Variants in RAD51D observed in about 807,000 individuals in gnomAD.
RAD51D encodes DNA repair protein RAD51 homolog 4.
Under a neutral mutation model 44.1 loss-of-function variants are expected in RAD51D, and 38 were observed. The observed-to-expected ratio is 0.86, with a 90% CI of 0.67 to 1.13. The LOEUF is 1.13. Ranked by LOEUF, RAD51D falls within the 50% of genes most tolerant of loss-of-function variation. The pLI, the probability that RAD51D is intolerant of heterozygous loss-of-function variation, is 0.00. For missense variants in RAD51D, 390 were observed against 414.0 expected, an observed-to-expected ratio of 0.94 and a Z score of 0.50; for synonymous variants, 141 against 166.6, an observed-to-expected ratio of 0.85 and a Z score of 1.18.
At chr17:35,111,815 A>G (rs929959367) in intron 3 of RAD51D, among the ~76,000 whole-genome samples, 2 of 152,248 alleles carry the variant, frequency 1.3e-5, no homozygotes, top group African/African-American at 2.4e-5. Context: ...GTCTATAGAA[A>G]AAAAAAACTT....
In RAD51D at chr17:35,118,541, G is replaced by C. The variant is rs746929682; in HGVS notation, c.223C>G (p.Leu75Val). The C allele has an allele frequency of 6.2e-7, 1 of 1,614,172 alleles. No homozygotes were observed. The highest frequency in any genetic ancestry group is 1.3e-5 in the African/African-American group (1 of 75,042). Residue 75 changes from leucine to valine, a missense_variant, in exon 3 of 10, where the codon CTG (leucine) becomes GTG (valine). Coordinates refer to ENST00000345365, the MANE Select transcript of RAD51D (RefSeq NM_002878.4). ...GACAGGATGGCAGTGGAGGTCTTCA[G>C]TTCCTCGTAGAGATCAGCGCCATTC... is the stretch of plus-strand genomic sequence containing the variant. ...PVNGADLYEELKTSTAILSTG... is the reference protein window; with the variant it reads ...PVNGADLYEEVKTSTAILSTG...
chr17:35,107,552 C>A (rs1263155425), intron 3 of RAD51D, 105 bp from the exon 4 acceptor site: 1 of 926,940 alleles, frequency 1.1e-6, no homozygotes, highest in African/African-American at 1.6e-5. Flanking sequence ...CTGGTTCTGT[C>A]TTTGAACATC....
chr17:35,108,858 TTTTTC>T (rs2091641979), intron 3 of RAD51D, among the ~76,000 whole-genome samples: 1 of 141,540 alleles, frequency 7.1e-6, no homozygotes, highest in Non-Finnish European at 1.5e-5. Context: ...TGATTGGCTT[TTTTTC>T]TTTTCTTTTT....
At chr17:35,102,181 GGTTT>G (rs141448394) in intron 8 of RAD51D, among the ~76,000 whole-genome samples, 3,801 of 151,950 alleles carry the variant, frequency 0.025, 158 homozygotes, top group African/African-American at 0.085. Context: ...TTGTTGTTTT[GGTTT>G]GTTTGTTTTT....
At chr17:35,102,934 T>C (rs1440754362) in intron 8 of RAD51D, among the ~76,000 whole-genome samples, 1 of 152,222 alleles carries the variant, frequency 6.6e-6, no homozygotes, top group Non-Finnish European at 1.5e-5. Flanking sequence ...GGGGACCTTT[T>C]GGTGGGGTCA....
rs753862052 is a variant in RAD51D, at chr17:35,107,439, T to TTA, written c.270_271dup (p.Lys91IlefsTer13). 1.7e-5 allele frequency: 26 copies of TTA among 1,547,768 alleles called. No individual in the cohort carries two copies. The East Asian group carries it at 5.8e-4, about 35-fold the overall frequency. Reference sequence around the variant, plus strand: ...AGTATAGAGACCAGCATCAAGCAGTTTATCAAGACTGATGGCAGAAGAGAA... The same window carrying TTA: ...AGTATAGAGACCAGCATCAAGCAGTTTATATCAAGACTGATGGCAGAAGAGAA... On this transcript the variant is annotated frameshift_variant, in exon 4 of 10. Transcript: ENST00000345365. LOFTEE classifies it high-confidence loss of function.
intron 3 of RAD51D, among the ~76,000 whole-genome samples, chr17:35,111,166 G>A (rs2091670824): frequency 6.6e-6 from 1 of 151,756 alleles, no homozygotes; most frequent in Admixed American, 6.6e-5. Flanking sequence ...ATCACCTGAG[G>A]TCAGGAGTTC....
intron 3 of RAD51D, chr17:35,117,178 GGCA>G (rs2091760694): frequency 3.3e-6 from 3 of 910,726 alleles, no homozygotes; most frequent in Non-Finnish European, 1.7e-6. Context: ...AGGCCTTAAG[GGCA>G]GGGGCCTTGC....
intron 3 of RAD51D, among the ~76,000 whole-genome samples, chr17:35,113,362 G>A (rs757788411): frequency 9.2e-5 from 14 of 151,958 alleles, no homozygotes; most frequent in Non-Finnish European, 1.9e-4. Context: ...TCCGCCTCTC[G>A]GGTTCAAACA....
rs2091804625 is a variant in RAD51D, at chr17:35,119,813, T to C, written c.-200A>G. Reference sequence around the variant, plus strand: ...CCGCCCGCCCGGGATCCGCCGGGATTCCCGCGCCCAGAGCCCGCCCGCCGG... The same window carrying C: ...CCGCCCGCCCGGGATCCGCCGGGATCCCCGCGCCCAGAGCCCGCCCGCCGG... On this transcript the variant is annotated 5_prime_UTR_variant, in exon 1 of 10. Transcript: ENST00000345365. 1.4e-6 allele frequency: 1 copy of C among 701,418 alleles called. No homozygotes were observed. Among genetic ancestry groups the C allele is most frequent in the Admixed American group, 2.0e-5 (1 of 49,326 alleles). 43.4% of individuals were successfully genotyped at this position (701,418 alleles called of 1,614,324 possible).
At chr17:35,114,409 C>T (rs1265337104) in intron 3 of RAD51D, among the ~76,000 whole-genome samples, 1 of 152,024 alleles carries the variant, frequency 6.6e-6, no homozygotes, top group Non-Finnish European at 1.5e-5. Flanking sequence ...CCTGGCCAGG[C>T]ATGGTGGCTC....
In RAD51D at chr17:35,117,041, T is replaced by G. The variant is rs746073402; in HGVS notation, c.263+1460A>C. 3 of 1,609,554 alleles carry G rather than the reference T, an allele frequency of 1.9e-6. No individual in the cohort carries two copies. In the South Asian group the frequency reaches 3.3e-5, roughly 18 times the overall value. On this transcript the variant is annotated intron_variant, in intron 3 of 9. Transcript: ENST00000345365. ...CACTTGAGTGCGCCCTCCATGTCTGTTGGATTTATAAACTCCCTAAGCCCA... is the reference window on the plus strand; with the variant it reads ...CACTTGAGTGCGCCCTCCATGTCTGGTGGATTTATAAACTCCCTAAGCCCA...
chr17:35,106,316 G>A, intron 6 of RAD51D, 70 bp downstream of exon 6: 2 of 1,278,420 alleles, frequency 1.6e-6, no homozygotes, highest in Non-Finnish European at 2.3e-6. Context: ...GTCTGTAGTA[G>A]GACACCTGCC....
intron 3 of RAD51D, among the ~76,000 whole-genome samples, chr17:35,116,244 C>T (rs1249107118): frequency 6.6e-6 from 1 of 152,186 alleles, no homozygotes; most frequent in Non-Finnish European, 1.5e-5. Context: ...CCCTGCTTGG[C>T]CTCTGCCACC....
chr17:35,117,129 T>A, intron 3 of RAD51D: 1 of 1,354,614 alleles, frequency 7.4e-7, no homozygotes, highest in Non-Finnish European at 1.0e-6. Flanking sequence ...TGCTTACAGC[T>A]CTCTTGTATT....
At chr17:35,111,174 T>A (rs2091670958) in intron 3 of RAD51D, among the ~76,000 whole-genome samples, 1 of 149,034 alleles carries the variant, frequency 6.7e-6, no homozygotes, top group Non-Finnish European at 1.5e-5. Context: ...AGGTCAGGAG[T>A]TCGAGACCAG....
intron 5 of RAD51D, 108 bp from the exon 6 acceptor site, chr17:35,106,589 G>A (rs1299395146): frequency 4.9e-6 from 4 of 820,320 alleles, no homozygotes; most frequent in African/African-American, 1.7e-5. Flanking sequence ...CAGGTCCAGG[G>A]TGGCAAATGA....
rs1179695988 is a variant in RAD51D, at chr17:35,093,686, A to C, written c.*7267T>G. Reference sequence around the variant, plus strand: ...TAAAATATTGTAAATAGTCCACTAAAGTTAGGAACAAGACAAGGATGATTG... The same window carrying C: ...TAAAATATTGTAAATAGTCCACTAACGTTAGGAACAAGACAAGGATGATTG... On this transcript the variant is annotated 3_prime_UTR_variant, in exon 10 of 10. Transcript: ENST00000345365. The C allele has an allele frequency of 6.6e-6, 1 of 152,238 alleles. No individual in the cohort carries two copies. The highest frequency in any genetic ancestry group is 2.4e-5 in the African/African-American group (1 of 41,456). 9.4% of individuals were successfully genotyped at this position (152,238 alleles called of 1,614,324 possible). A position where few individuals can be genotyped will look rare whatever the true frequency, so the allele number is the denominator to read the frequency against.
intron 3 of RAD51D, among the ~76,000 whole-genome samples, chr17:35,115,996 A>AGAAAGAAAGAAAGAAAGAAAGAAAGAAC (rs2142464541): frequency 6.6e-6 from 1 of 151,718 alleles, no homozygotes; most frequent in East Asian, 1.9e-4. Context: ...AAAGAAAGAA[A>AGAAAGAAAGAAAGAAAGAAAGAAAGAAC]GAAAGAAAGA....
Sources: gnomAD v4.1 joint callset for allele counts (sites outside exome capture counted in the v4.1 genomes callset) on GRCh38, gnomAD v4.1.1 for gene constraint, MANE v1.5 for transcripts, NCBI Gene and HGNC (gene_info 2026-07-23, HGNC 2026-07-21) for gene names.